COL25A1: variants seen among roughly 807,000 people sequenced by gnomAD.
COL25A1 encodes collagen alpha-1(XXV) chain.
Under a neutral mutation model 128.4 loss-of-function variants are expected in COL25A1, and 103 were observed. The ratio of observed to expected loss-of-function variants is 0.80; its 90% CI spans 0.68 to 0.94. The LOEUF is 0.94. Among genes scored for constraint, COL25A1 ranks in the 40% least tolerant of loss-of-function variants. The pLI is 0.00. For synonymous variants in COL25A1, 279 were observed against 277.2 expected (o/e 1.01, Z -0.06); for missense variants, 745 against 840.0 (o/e 0.89, Z 1.40).
chr4:109,012,420 T>A (rs535025699), intron 5 of COL25A1, among the ~76,000 whole-genome samples: 1 of 152,162 alleles, frequency 6.6e-6, no homozygotes, highest in African/African-American at 2.4e-5. Flanking sequence ...GGAGCCCCTG[T>A]CTGGGCTGGC....
chr4:108,986,195 T>C (rs1753656349), intron 6 of COL25A1, among the ~76,000 whole-genome samples: 1 of 152,204 alleles, frequency 6.6e-6, no homozygotes, highest in African/African-American at 2.4e-5. Flanking sequence ...TACTCCATCC[T>C]ACATACTTTT....
chr4:108,966,416 G>T (rs1560944819), intron 8 of COL25A1, among the ~76,000 whole-genome samples: 1 of 152,162 alleles, frequency 6.6e-6, no homozygotes, highest in African/African-American at 2.4e-5. Flanking sequence ...GTTCCTAGCA[G>T]CAATCTGGAG....
intron 5 of COL25A1, among the ~76,000 whole-genome samples, chr4:109,043,426 G>A (rs984813594): frequency 5.3e-5 from 8 of 151,956 alleles, no homozygotes; most frequent in African/African-American, 1.7e-4. Context: ...GGTTCAAACC[G>A]AGCTGACAAT....
chr4:109,234,185 T>C (rs1287893040), intron 3 of COL25A1, among the ~76,000 whole-genome samples: 1 of 152,154 alleles, frequency 6.6e-6, no homozygotes, highest in Non-Finnish European at 1.5e-5. Context: ...CACATCAAAA[T>C]GTCTCTTTGC....
intron 3 of COL25A1, among the ~76,000 whole-genome samples, chr4:109,136,284 A>C (rs898924679): frequency 4.6e-5 from 7 of 152,190 alleles, no homozygotes; most frequent in African/African-American, 1.7e-4. Flanking sequence ...CTGTAGTCCC[A>C]GCTACTGGGG....
chr4:109,043,919 T>G lies in COL25A1; in HGVS notation c.420+4249A>C, dbSNP rs141004155. ...GCAAATACAGTTGTGATATCTGAGC[T>G]TGATGCTCAAAGCACATGCACAGAG... On this transcript the variant is annotated intron_variant, in intron 5 of 37. Coordinates refer to ENST00000399132, the MANE Select transcript of COL25A1 (RefSeq NM_198721.4). Among the ~76,000 whole-genome samples, 1,358 of 152,242 alleles carry G rather than the reference T, an allele frequency of 8.9e-3. 11 individuals carry two copies. Among genetic ancestry groups the G allele is most frequent in the Middle Eastern group, 0.017 (5 of 294 alleles).
intron 3 of COL25A1, among the ~76,000 whole-genome samples, chr4:109,070,035 T>C (rs1031083104): frequency 3.3e-5 from 5 of 151,062 alleles, no homozygotes; most frequent in African/African-American, 1.2e-4. Flanking sequence ...GGTGGGCAGA[T>C]CACAAGGTCA....
At chr4:109,102,848 G>C (rs535922321) in intron 3 of COL25A1, among the ~76,000 whole-genome samples, 18 of 152,258 alleles carry the variant, frequency 1.2e-4, no homozygotes, top group African/African-American at 4.3e-4. Context: ...GTTCCTGGCA[G>C]ACAGCAAACA....
chr4:109,232,557 T>C (rs1779229154), intron 3 of COL25A1, among the ~76,000 whole-genome samples: 1 of 152,298 alleles, frequency 6.6e-6, no homozygotes, highest in Non-Finnish European at 1.5e-5. Flanking sequence ...TCAAGAATGT[T>C]AGCCAATAAT....
intron 30 of COL25A1, 152 bp from the exon 31 acceptor site, chr4:108,841,873 C>G: frequency 1.5e-6 from 1 of 648,846 alleles, no homozygotes; most frequent in African/African-American, 1.8e-5. Context: ...TATTTATTAC[C>G]CACCAAAAGT....
intron 3 of COL25A1, among the ~76,000 whole-genome samples, chr4:109,130,269 T>C (rs1769056538): frequency 6.6e-6 from 1 of 152,204 alleles, no homozygotes; most frequent in African/African-American, 2.4e-5. Context: ...TAATATTATA[T>C]AGTGCTCTAC....
chr4:108,916,830 C>T (rs1036910026), intron 13 of COL25A1, among the ~76,000 whole-genome samples: 5 of 152,068 alleles, frequency 3.3e-5, no homozygotes, highest in South Asian at 2.1e-4. Flanking sequence ...GCGACATGGG[C>T]GGTTAACTGC....
chr4:108,824,275 C>A, intron 34 of COL25A1, 48 bp from the exon 35 acceptor site: 3 of 1,274,068 alleles, frequency 2.4e-6, no homozygotes, highest in Non-Finnish European at 3.4e-6. Context: ...GTAATAGTGG[C>A]AAAATCATAT....
chr4:108,966,406 G>T (rs1321293522), intron 8 of COL25A1, among the ~76,000 whole-genome samples: 2 of 152,140 alleles, frequency 1.3e-5, no homozygotes, highest in Non-Finnish European at 2.9e-5. Flanking sequence ...AGTTGAAAGG[G>T]TTCCTAGCAG....
chr4:108,935,614 A>T (rs1161303271), intron 11 of COL25A1, among the ~76,000 whole-genome samples: 1 of 152,156 alleles, frequency 6.6e-6, no homozygotes, highest in East Asian at 1.9e-4. Flanking sequence ...TAAAGAGTCA[A>T]GAAAAGTTTG....
chr4:108,863,345 C>G lies in COL25A1; in HGVS notation c.1126G>C (p.Gly376Arg). The change falls in exon 21 of 38, where the codon GGG becomes CGG. Residue 376 changes from glycine to arginine, a missense_variant. Coordinates refer to ENST00000399132, the MANE Select transcript of COL25A1 (RefSeq NM_198721.4). Reference sequence around the variant, plus strand: ...TTTGGTCCGGGGGCTCCAGGTTCCCCTCGCTCACCTCTTCCAGGAGGCCCT... The same window carrying G: ...TTTGGTCCGGGGGCTCCAGGTTCCCGTCGCTCACCTCTTCCAGGAGGCCCT... The part of the protein sequence containing the change: ...EAGPPGRGER[G>R]EPGAPGPKGK... 6.2e-7 allele frequency: 1 copy of G among 1,613,758 alleles called. No individual in the cohort carries two copies. The highest frequency in any genetic ancestry group is 8.5e-7 in the Non-Finnish European group (1 of 1,179,902).
intron 8 of COL25A1, among the ~76,000 whole-genome samples, chr4:108,961,392 C>T (rs1340114018): frequency 6.6e-6 from 1 of 152,076 alleles, no homozygotes; most frequent in African/African-American, 2.4e-5. Context: ...AAACAACTGG[C>T]TATAAAAGGC....
intron 6 of COL25A1, among the ~76,000 whole-genome samples, chr4:108,998,088 C>A (rs149915357): frequency 6.6e-6 from 1 of 152,306 alleles, no homozygotes; most frequent in African/African-American, 2.4e-5. Flanking sequence ...CCCCTCTCAC[C>A]ATTCCCAATC....
intron 3 of COL25A1, among the ~76,000 whole-genome samples, chr4:109,235,687 G>A (rs949734256): frequency 6.6e-6 from 1 of 151,972 alleles, no homozygotes; most frequent in Non-Finnish European, 1.5e-5. Flanking sequence ...ATGACAAAGA[G>A]GAAAGAATTC....
Sources: allele counts gnomAD v4.1 joint callset (sites outside exome capture counted in the v4.1 genomes callset), GRCh38; gene constraint gnomAD v4.1.1; transcripts MANE v1.5; gene names NCBI Gene and HGNC (gene_info 2026-07-23, HGNC 2026-07-21).